VGLL3: variants seen among roughly 807,000 people sequenced by gnomAD.
VGLL3 encodes transcription cofactor vestigial-like protein 3.
VGLL3 carries 18 observed loss-of-function variants against 29.2 expected under a neutral mutation model. The observed-to-expected ratio is 0.62, with a 90% CI of 0.43 to 0.91. VGLL3 has a LOEUF of 0.91. Among genes scored for constraint, VGLL3 ranks in the 40% least tolerant of loss-of-function variants. The probability of loss-of-function intolerance (pLI) is 0.00; values close to 1 mark genes in which losing one functional copy is unlikely to be tolerated. For synonymous variants in VGLL3, 180 were observed against 151.8 expected (o/e 1.19, Z -1.36); for missense variants, 440 against 413.2 (o/e 1.06, Z -0.56).
At chr3:86,949,322 T>C (rs778563867) in intron 3 of VGLL3, among the ~76,000 whole-genome samples, 7 of 152,154 alleles carry the variant, frequency 4.6e-5, no homozygotes, top group African/African-American at 1.4e-4. Context: ...ATTTCTACAA[T>C]GCGAATCTTA....
At chr3:86,970,768 T>C (rs1169583255) in intron 2 of VGLL3, among the ~76,000 whole-genome samples, 1 of 152,116 alleles carries the variant, frequency 6.6e-6, no homozygotes, top group Non-Finnish European at 1.5e-5. Flanking sequence ...TTGCCTACAG[T>C]GTTGTATAAC....
chr3:86,985,874 G>A (rs571623068), intron 1 of VGLL3, among the ~76,000 whole-genome samples: 88 of 152,244 alleles, frequency 5.8e-4, no homozygotes, highest in African/African-American at 2.0e-3. Flanking sequence ...AGAGCCTATG[G>A]AAGTGAGAAC....
intron 3 of VGLL3, among the ~76,000 whole-genome samples, chr3:86,955,350 A>G (rs927513820): frequency 2.0e-5 from 3 of 150,864 alleles, no homozygotes; most frequent in Admixed American, 6.6e-5. Context: ...TTGCATTGAC[A>G]TCAGAAACTT....
intron 3 of VGLL3, among the ~76,000 whole-genome samples, chr3:86,956,031 G>A (rs1704715350): frequency 6.6e-6 from 1 of 152,090 alleles, no homozygotes. Context: ...AAGAGAACAA[G>A]AAAAGAATAG....
intron 2 of VGLL3, among the ~76,000 whole-genome samples, chr3:86,972,040 G>A (rs1190107929): frequency 6.6e-6 from 1 of 152,170 alleles, no homozygotes; most frequent in East Asian, 1.9e-4. Flanking sequence ...AGTACGGAGA[G>A]TATATACCAT....
Position 86,984,373 on chromosome 3 carries a change from T to C in VGLL3, c.127-5571A>G, listed in dbSNP as rs193203316. Among the ~76,000 whole-genome samples, 51 of 152,292 alleles carry C rather than the reference T, an allele frequency of 3.3e-4. 1 individual carries two copies. On this transcript the variant is annotated intron_variant, in intron 1 of 3. Coordinates refer to ENST00000398399, the MANE Select transcript of VGLL3 (RefSeq NM_016206.4). ...ATAACTTAACAGGATGAGTTACTTT[T>C]GAGTGCATTTGCCTCTAAATGATTC...
chr3:86,980,126 C>T (rs1196314327), intron 1 of VGLL3, among the ~76,000 whole-genome samples: 1 of 150,388 alleles, frequency 6.6e-6, no homozygotes, highest in African/African-American at 2.4e-5. Context: ...CTTGATCATA[C>T]CTTTTTTTTT....
At chr3:86,951,999 G>A (rs898473065) in intron 3 of VGLL3, among the ~76,000 whole-genome samples, 18 of 152,132 alleles carry the variant, frequency 1.2e-4, no homozygotes, top group African/African-American at 4.1e-4. Flanking sequence ...GATTAGAGGA[G>A]GAGGGTATAT....
intron 3 of VGLL3, among the ~76,000 whole-genome samples, chr3:86,961,492 T>A (rs565381691): frequency 6.6e-6 from 1 of 152,262 alleles, no homozygotes; most frequent in East Asian, 1.9e-4. Flanking sequence ...TGTCAGAATT[T>A]ACTTAATGTT....
intron 1 of VGLL3, among the ~76,000 whole-genome samples, chr3:86,980,559 C>A (rs1422412279): frequency 6.6e-6 from 1 of 151,960 alleles, no homozygotes; most frequent in Non-Finnish European, 1.5e-5. Context: ...TCATAATCTA[C>A]CTCTGCACAG....
intron 3 of VGLL3, chr3:86,962,902 C>T (rs1335020035): frequency 6.1e-6 from 1 of 163,842 alleles, no homozygotes; most frequent in Non-Finnish European, 1.3e-5. Context: ...GGAAGCCAGC[C>T]TTCACTATTC....
Position 86,946,841 on chromosome 3 carries a change from C to T in VGLL3, c.*183G>A, listed in dbSNP as rs1369639527. 3 of 519,348 alleles carry T rather than the reference C, an allele frequency of 5.8e-6. No individual in the cohort carries two copies. The highest frequency in any genetic ancestry group is 1.0e-5 in the Non-Finnish European group (3 of 289,752). 32.2% of individuals were successfully genotyped at this position (519,348 alleles called of 1,614,324 possible). On this transcript the variant is annotated 3_prime_UTR_variant, in exon 4 of 4. Coordinates refer to ENST00000398399, the MANE Select transcript of VGLL3 (RefSeq NM_016206.4). ...GAAATAAACAAATAAAAATGCTTTT[C>T]TTCAATGTCTGGGACCCACTTTGCT... is the stretch of plus-strand genomic sequence containing the variant.
intron 1 of VGLL3, among the ~76,000 whole-genome samples, chr3:86,987,109 G>A (rs139877443): frequency 6.6e-6 from 1 of 152,250 alleles, no homozygotes; most frequent in Admixed American, 6.5e-5. Flanking sequence ...GGGGGATCTG[G>A]TGATCCTAAT....
At chr3:86,975,853 G>C (rs1192745447) in intron 2 of VGLL3, among the ~76,000 whole-genome samples, 1 of 152,028 alleles carries the variant, frequency 6.6e-6, no homozygotes, top group Non-Finnish European at 1.5e-5. Flanking sequence ...ATCTGTAAGT[G>C]TGGCTCCGAG....
chr3:86,988,752 C>T (rs1023759919), intron 1 of VGLL3, among the ~76,000 whole-genome samples: 1 of 67,794 alleles, frequency 1.5e-5, no homozygotes, highest in Non-Finnish European at 3.8e-5. Context: ...CTCCCTATGG[C>T]TCACTCAGCC....
chr3:86,949,563 ATG>A (rs907662979), intron 3 of VGLL3, among the ~76,000 whole-genome samples: 3 of 151,984 alleles, frequency 2.0e-5, no homozygotes, highest in Non-Finnish European at 4.4e-5. Flanking sequence ...GCGGTGGCTC[ATG>A]TCTGTAATCT....
At chr3:86,947,700 T>G (rs1423971302) in intron 3 of VGLL3, among the ~76,000 whole-genome samples, 1 of 152,152 alleles carries the variant, frequency 6.6e-6, no homozygotes, top group African/African-American at 2.4e-5. Flanking sequence ...GTATTTAAAG[T>G]GGATTTAAAA....
rs1321721942 is a variant in VGLL3 at position 86,968,693 on chromosome 3, G to A, written c.834C>T (p.Asp278=). Reference sequence around the variant, plus strand: ...CTGTAGTTGGTTCTGTCTTTGTGATGTCACACTGGGGAGCAGGAATCCTGG... The same window carrying A: ...CTGTAGTTGGTTCTGTCTTTGTGATATCACACTGGGGAGCAGGAATCCTGG... The part of the protein sequence containing the change: ...HAARIPAPQC[D]ITKTEPTTVT... Residue 278 remains aspartate (D), a synonymous_variant, in exon 3 of 4, where the codon GAC becomes GAT. Transcript: ENST00000398399. 2 of 1,614,210 alleles carry A rather than the reference G, an allele frequency of 1.2e-6. No individual in the cohort carries two copies. Among genetic ancestry groups the A allele is most frequent in the African/African-American group, 1.3e-5 (1 of 75,054 alleles).
At chr3:86,973,073 AC>A (rs36028830) in intron 2 of VGLL3, among the ~76,000 whole-genome samples, 12,806 of 150,314 alleles carry the variant, frequency 0.085, 1,424 homozygotes, top group African/African-American at 0.26. Context: ...CTTAAAAAAA[AC>A]ACACACACAC....
Sources: gnomAD v4.1 joint callset for allele counts (sites outside exome capture counted in the v4.1 genomes callset) on GRCh38, gnomAD v4.1.1 for gene constraint, MANE v1.5 for transcripts, NCBI Gene and HGNC (gene_info 2026-07-23, HGNC 2026-07-21) for gene names.